Variants in DCC observed in about 807,000 individuals in gnomAD.
DCC encodes netrin receptor DCC.
In DCC, 58 loss-of-function variants were observed where a neutral mutation model predicts 172.5. The ratio of observed to expected loss-of-function variants is 0.34; its 90% CI spans 0.27 to 0.42. The LOEUF (loss-of-function observed/expected upper bound fraction) is 0.42. DCC is among the 10% of genes least tolerant of loss of function. The pLI, the probability that DCC is intolerant of heterozygous loss-of-function variation, is 1.00. For missense variants in DCC, 1,740 were observed against 1,791.0 expected (o/e 0.97, Z 0.51); for synonymous variants, 709 against 644.5 (o/e 1.10, Z -1.52).
At position 53,530,626 on chromosome 18, in the gene DCC, T is replaced by G. The variant is rs1181562853; in HGVS notation, c.4317T>G (p.Leu1439=). ...MASLEGLMKQ[L]NAITGSAF ...GTTTGGAAGGACTCATGAAGCAGCT[T>G]AATGCCATCACAGGCTCAGCCTTTT... The change falls in exon 29 of 29, where the codon CTT becomes CTG. Residue 1439 remains leucine, a synonymous_variant. Transcript: ENST00000442544. The G allele has an allele frequency of 1.2e-6, 2 of 1,600,890 alleles. No individual in the cohort carries two copies. Among genetic ancestry groups the G allele is most frequent in the Non-Finnish European group, 1.7e-6 (2 of 1,167,916 alleles).
chr18:53,260,678 C>T (rs1350813222), intron 12 of DCC, among the ~76,000 whole-genome samples: 1 of 152,142 alleles, frequency 6.6e-6, no homozygotes, highest in African/African-American at 2.4e-5. Flanking sequence ...GCAGCCTGTC[C>T]ATTGTCAGAT....
intron 2 of DCC, among the ~76,000 whole-genome samples, chr18:52,853,022 T>C (rs915304632): frequency 1.3e-5 from 2 of 152,188 alleles, no homozygotes; most frequent in African/African-American, 4.8e-5. Flanking sequence ...CCCCAAAGTT[T>C]CTGCCTTGCT....
chr18:52,907,967 C>T (rs1175853729), intron 3 of DCC, among the ~76,000 whole-genome samples: 1 of 152,112 alleles, frequency 6.6e-6, no homozygotes, highest in African/African-American at 2.4e-5. Flanking sequence ...CCTCATTTTG[C>T]GATTCTAATT....
chr18:52,789,121 C>CCCCA (rs1181484623), intron 2 of DCC, among the ~76,000 whole-genome samples: 10 of 152,124 alleles, frequency 6.6e-5, no homozygotes, highest in Non-Finnish European at 1.3e-4. Context: ...CACACTAAAG[C>CCCCA]TCTATCATGA....
intron 2 of DCC, among the ~76,000 whole-genome samples, chr18:52,882,161 A>G (rs1363465124): frequency 1.3e-5 from 2 of 152,060 alleles, no homozygotes; most frequent in African/African-American, 4.8e-5. Flanking sequence ...ACTTTACTGA[A>G]TGTGTTTATC....
At chr18:53,182,785 T>A (rs1042576018) in intron 9 of DCC, among the ~76,000 whole-genome samples, 2 of 152,036 alleles carry the variant, frequency 1.3e-5, no homozygotes, top group Non-Finnish European at 2.9e-5. Flanking sequence ...ATCCTATGGT[T>A]CCTTTCCTTT....
intron 1 of DCC, among the ~76,000 whole-genome samples, chr18:52,446,913 TC>T (rs1291062622): frequency 1.4e-4 from 21 of 152,234 alleles, no homozygotes; most frequent in African/African-American, 5.1e-4. Flanking sequence ...GAGAGACATT[TC>T]AATTCAATTG....
chr18:52,879,412 C>CTTTTTTTTTGTTTTTTTTTTTTTTT (rs2039448716), intron 2 of DCC, among the ~76,000 whole-genome samples: 1 of 62,356 alleles, frequency 1.6e-5, no homozygotes, highest in Non-Finnish European at 2.9e-5. Flanking sequence ...TGTTGTTTGG[C>CTTTTTTTTTGTTTTTTTTTTTTTTT]TTTTTTTTTT....
intron 1 of DCC, among the ~76,000 whole-genome samples, chr18:52,553,482 A>G (rs1026508066): frequency 2.0e-5 from 3 of 152,202 alleles, no homozygotes; most frequent in Admixed American, 6.6e-5. Flanking sequence ...ACCAGGCGAC[A>G]CAAAGAGAAT....
chr18:52,655,873 G>A (rs763978911), intron 1 of DCC, among the ~76,000 whole-genome samples: 1 of 151,556 alleles, frequency 6.6e-6, no homozygotes, highest in Non-Finnish European at 1.5e-5. Context: ...CAGTTAGACT[G>A]TATTCCTGAG....
intron 7 of DCC, among the ~76,000 whole-genome samples, chr18:53,084,034 C>T (rs1443941395): frequency 6.6e-6 from 1 of 152,146 alleles, no homozygotes; most frequent in Non-Finnish European, 1.5e-5. Context: ...CTTTCTGTTA[C>T]TTGTAACTTG....
At chr18:52,844,058 G>A (rs2038847434) in intron 2 of DCC, among the ~76,000 whole-genome samples, 1 of 152,110 alleles carries the variant, frequency 6.6e-6, no homozygotes, top group South Asian at 2.1e-4. Flanking sequence ...CAAGAGAATT[G>A]ATCTCTCTTT....
At chr18:53,009,540 G>A (rs1170625262) in intron 5 of DCC, among the ~76,000 whole-genome samples, 4 of 151,674 alleles carry the variant, frequency 2.6e-5, no homozygotes, top group Admixed American at 6.6e-5. Flanking sequence ...TTAAAACTCT[G>A]AATTCAGGTT....
At chr18:52,419,328 G>T (rs1226765700) in intron 1 of DCC, 1 of 152,042 alleles carries the variant, frequency 6.6e-6, no homozygotes, top group South Asian at 2.1e-4. Flanking sequence ...GATTATCTTG[G>T]CCTGCAAGAT....
intron 2 of DCC, among the ~76,000 whole-genome samples, chr18:52,835,523 T>C (rs2033331789): frequency 6.6e-6 from 1 of 152,188 alleles, no homozygotes; most frequent in African/African-American, 2.4e-5. Context: ...AGACAGATTT[T>C]GTTTTGATTT....
At chr18:53,002,644 C>T (rs200886346) in intron 5 of DCC, among the ~76,000 whole-genome samples, 19,598 of 137,050 alleles carry the variant, frequency 0.14, 1,520 homozygotes, top group East Asian at 0.31. Flanking sequence ...TAAGCACATG[C>T]CAGATATTTA....
chr18:52,348,979 C>T (rs954287961), intron 1 of DCC, among the ~76,000 whole-genome samples: 3 of 152,074 alleles, frequency 2.0e-5, no homozygotes, highest in Non-Finnish European at 4.4e-5. Context: ...CCTTATGAAT[C>T]CCCTGAATAT....
intron 3 of DCC, among the ~76,000 whole-genome samples, chr18:52,914,167 T>C (rs753578758): frequency 2.0e-5 from 3 of 151,994 alleles, no homozygotes; most frequent in Non-Finnish European, 4.4e-5. Flanking sequence ...AATGGCAACA[T>C]TTGTTTTCTG....
intron 5 of DCC, among the ~76,000 whole-genome samples, chr18:52,926,065 C>T (rs2040197250): frequency 6.6e-6 from 1 of 151,776 alleles, no homozygotes; most frequent in South Asian, 2.1e-4. Flanking sequence ...GAGAAAGTGC[C>T]TTAACATTTG....
Sources: allele counts gnomAD v4.1 joint callset (sites outside exome capture counted in the v4.1 genomes callset), GRCh38; gene constraint gnomAD v4.1.1; transcripts MANE v1.5; gene names NCBI Gene and HGNC (gene_info 2026-07-23, HGNC 2026-07-21).